Variants in MIPOL1 observed in about 807,000 individuals in gnomAD.
MIPOL1 encodes the protein mirror-image polydactyly gene 1 protein.
In MIPOL1, 57 loss-of-function variants were observed where a neutral mutation model predicts 60.9. That is an observed-to-expected ratio of 0.94 (90% confidence interval 0.76 to 1.17). MIPOL1 has a LOEUF of 1.17. Ranked by LOEUF, MIPOL1 falls within the 50% of genes most tolerant of loss-of-function variation. MIPOL1 has a pLI of 0.00. For missense variants in MIPOL1, 551 were observed against 511.6 expected, an observed-to-expected ratio of 1.08 and a Z score of -0.74; for synonymous variants, 179 against 168.8, an observed-to-expected ratio of 1.06 and a Z score of -0.47.
Position 37,459,068 on chromosome 14 carries a change from T to A in MIPOL1, c.1031+36119T>A, listed in dbSNP as rs1267060104. Among the ~76,000 whole-genome samples the A allele has an allele frequency of 2.6e-5, 4 of 151,396 alleles. No individual in the cohort carries two copies. In the East Asian group the frequency reaches 7.8e-4, roughly 29 times the overall value. On this transcript the variant is annotated intron_variant, in intron 11 of 12. Coordinates refer to ENST00000684589, the MANE Select transcript of MIPOL1 (RefSeq NM_001388067.1). ...TGTCTACATCAAAAAGATAAAAAGG[T>A]CTTGAATTAACAACCTAATGCCACA...
chr14:37,321,695 T>C (rs935075129), intron 9 of MIPOL1, among the ~76,000 whole-genome samples: 6 of 152,148 alleles, frequency 3.9e-5, no homozygotes, highest in Non-Finnish European at 8.8e-5. Flanking sequence ...ATGATTATGA[T>C]TAATTTTTCT....
chr14:37,212,348 C>T (rs1020712986), intron 1 of MIPOL1: 3 of 152,130 alleles, frequency 2.0e-5, no homozygotes, highest in Non-Finnish European at 2.9e-5. Flanking sequence ...GAGACCACTT[C>T]CCTTAAGGGT....
At chr14:37,256,595 T>A (rs530348352) in intron 3 of MIPOL1, among the ~76,000 whole-genome samples, 6 of 151,988 alleles carry the variant, frequency 3.9e-5, no homozygotes, top group Non-Finnish European at 5.9e-5. Flanking sequence ...AGCAAATCTG[T>A]TTCCTTTTGG....
intron 1 of MIPOL1, among the ~76,000 whole-genome samples, chr14:37,207,067 A>G (rs957821125): frequency 6.6e-6 from 1 of 152,188 alleles, no homozygotes; most frequent in Non-Finnish European, 1.5e-5. Flanking sequence ...ATGTTAGGAC[A>G]TGAGATTTGG....
At chr14:37,382,206 G>A (rs896877924) in intron 10 of MIPOL1, among the ~76,000 whole-genome samples, 1 of 151,966 alleles carries the variant, frequency 6.6e-6, no homozygotes, top group Non-Finnish European at 1.5e-5. Context: ...AAGTGATTTG[G>A]AATAAGTGAT....
intron 9 of MIPOL1, among the ~76,000 whole-genome samples, chr14:37,310,409 C>T (rs569707541): frequency 2.0e-5 from 3 of 152,224 alleles, no homozygotes; most frequent in Non-Finnish European, 4.4e-5. Context: ...CTCACCTCTC[C>T]TCCCAGTTAA....
chr14:37,314,177 G>GC (rs1315873616), intron 9 of MIPOL1, among the ~76,000 whole-genome samples: 5 of 151,964 alleles, frequency 3.3e-5, no homozygotes, highest in African/African-American at 4.8e-5. Flanking sequence ...AATATAATGA[G>GC]CACACCTTTT....
At chr14:37,521,911 T>TATATATATA (rs1555367648) in intron 12 of MIPOL1, among the ~76,000 whole-genome samples, 4 of 118,224 alleles carry the variant, frequency 3.4e-5, no homozygotes, top group Non-Finnish European at 7.1e-5. Context: ...TATATATATA[T>TATATATATA]TTTTTTTTTC....
intron 12 of MIPOL1, among the ~76,000 whole-genome samples, chr14:37,529,909 G>A (rs927663377): frequency 2.0e-5 from 3 of 152,204 alleles, no homozygotes; most frequent in Admixed American, 1.3e-4. Flanking sequence ...TAGATTTCCT[G>A]TGATAGGAAA....
At chr14:37,200,834 A>G (rs956226944) in intron 1 of MIPOL1, among the ~76,000 whole-genome samples, 1 of 148,454 alleles carries the variant, frequency 6.7e-6, no homozygotes, top group African/African-American at 2.5e-5. Context: ...ATAGATCCAT[A>G]ATACTATATC....
chr14:37,351,059 TC>T lies in MIPOL1; in HGVS notation c.829-18452del, dbSNP rs869120180. On this transcript the variant is annotated intron_variant, in intron 9 of 12. Coordinates refer to ENST00000684589, the MANE Select transcript of MIPOL1 (RefSeq NM_001388067.1). Reference sequence around the variant, plus strand: ...ATCTCCCAATGCTATCCCTCCCCCCTCCCCCCACCCCACAACGGTCCCCAGA... The same window carrying T: ...ATCTCCCAATGCTATCCCTCCCCCCTCCCCCACCCCACAACGGTCCCCAGA... 2.2e-3 allele frequency among the ~76,000 whole-genome samples: 16 copies of T among 7,390 alleles called. No individual in the cohort carries two copies. In the East Asian group the frequency reaches 0.096, roughly 44 times the overall value. The allele number at this position is 7,390 out of a possible 152,430, so 4.8% of individuals were successfully genotyped here. A position where few individuals can be genotyped will look rare whatever the true frequency, so the allele number is the denominator to read the frequency against.
At chr14:37,485,958 GT>G (rs2094939698) in intron 11 of MIPOL1, among the ~76,000 whole-genome samples, 1 of 152,094 alleles carries the variant, frequency 6.6e-6, no homozygotes, top group Non-Finnish European at 1.5e-5. Context: ...GGTTTTTATG[GT>G]TTTAGGTCTT....
chr14:37,521,785 G>A (rs897778867), intron 12 of MIPOL1, among the ~76,000 whole-genome samples: 1 of 151,154 alleles, frequency 6.6e-6, no homozygotes, highest in Admixed American at 6.6e-5. Context: ...TAATAAAAAT[G>A]TTATTCTTAG....
chr14:37,429,331 G>A (rs2094020006), intron 11 of MIPOL1, among the ~76,000 whole-genome samples: 1 of 152,130 alleles, frequency 6.6e-6, no homozygotes, highest in African/African-American at 2.4e-5. Context: ...ATTAGACCTT[G>A]TTGTTTGGAG....
chr14:37,455,414 A>G (rs2094466225), intron 11 of MIPOL1, among the ~76,000 whole-genome samples: 1 of 152,086 alleles, frequency 6.6e-6, no homozygotes, highest in Admixed American at 6.6e-5. Context: ...ACCATTCAAT[A>G]ATAGTCTTCC....
intron 10 of MIPOL1, among the ~76,000 whole-genome samples, chr14:37,410,202 C>A (rs2093658493): frequency 6.6e-6 from 1 of 150,820 alleles, no homozygotes. Flanking sequence ...CTACATAGAA[C>A]TGTGGAATTC....
chr14:37,442,088 TTGTGTGTG>T (rs3985271), intron 11 of MIPOL1, among the ~76,000 whole-genome samples: 4,677 of 143,646 alleles, frequency 0.033, 106 homozygotes, highest in Non-Finnish European at 0.038. Context: ...TTCTACTTTG[TTGTGTGTG>T]TGTGTGTGTG....
intron 3 of MIPOL1, among the ~76,000 whole-genome samples, chr14:37,252,131 A>G (rs1203683183): frequency 6.6e-6 from 1 of 151,672 alleles, no homozygotes; most frequent in Non-Finnish European, 1.5e-5. Context: ...GAGTTTGTTC[A>G]ATATTGTTTT....
chr14:37,298,636 A>G (rs2153426060), intron 7 of MIPOL1, among the ~76,000 whole-genome samples: 1 of 152,370 alleles, frequency 6.6e-6, no homozygotes, highest in Middle Eastern at 3.4e-3. Context: ...AAGTGGGCGA[A>G]GGATCCGAAC....
Sources: gnomAD v4.1 joint callset for allele counts (sites outside exome capture counted in the v4.1 genomes callset) on GRCh38, gnomAD v4.1.1 for gene constraint, MANE v1.5 for transcripts, NCBI Gene and HGNC (gene_info 2026-07-23, HGNC 2026-07-21) for gene names.